WNT5A: variants seen among roughly 807,000 people sequenced by gnomAD.
WNT5A encodes the protein Wnt family member 5A, also known as protein Wnt-5a.
In WNT5A, 9 loss-of-function variants were observed where a neutral mutation model predicts 42.1. The ratio of observed to expected loss-of-function variants is 0.21; its 90% CI spans 0.13 to 0.37. The LOEUF (loss-of-function observed/expected upper bound fraction) is 0.37, where lower values mean the gene tolerates loss of function less well. Ranked by LOEUF, WNT5A falls within the 10% of genes least tolerant of loss-of-function variation. WNT5A has a pLI of 1.00. For missense variants in WNT5A, 426 were observed against 534.0 expected, an observed-to-expected ratio of 0.80 and a Z score of 1.99; for synonymous variants, 210 against 210.0, an observed-to-expected ratio of 1.00 and a Z score of 0.00.
Position 55,470,117 on chromosome 3 carries a change from A to G in WNT5A, c.1118T>C (p.Ile373Thr). 6.2e-7 allele frequency: 1 copy of G among 1,614,114 alleles called. No homozygotes were observed. The highest frequency in any genetic ancestry group is 8.5e-7 in the Non-Finnish European group (1 of 1,179,956). ...CYVKCKKCTE[I>T]VDQFVCK Reference sequence around the variant, plus strand: ...CTACTTGCACACAAACTGGTCCACGATCTCCGTGCACTTCTTGCACTTGAC... The same window carrying G: ...CTACTTGCACACAAACTGGTCCACGGTCTCCGTGCACTTCTTGCACTTGAC... The change falls in exon 5 of 5, where the codon ATC becomes ACC. Residue 373 changes from isoleucine to threonine, a missense_variant. Ile to Thr is a moderately conservative substitution (Grantham distance 89). This residue lies in a region of WNT5A where 358 missense variants were observed against 468.1 expected (regional missense o/e 0.76). Coordinates refer to ENST00000264634, the MANE Select transcript of WNT5A (RefSeq NM_003392.7).
intron 1 of WNT5A, among the ~76,000 whole-genome samples, chr3:55,482,316 C>T (rs1272524030): frequency 6.6e-6 from 1 of 152,156 alleles, no homozygotes; most frequent in African/African-American, 2.4e-5. Flanking sequence ...TAGGCGGCGG[C>T]GGAGCGAGTA....
intron 4 of WNT5A, among the ~76,000 whole-genome samples, chr3:55,472,996 C>T (rs183879239): frequency 1.4e-4 from 21 of 151,854 alleles, no homozygotes; most frequent in Non-Finnish European, 2.9e-4. Context: ...TTGCCATGGC[C>T]ATTTAACAGA....
In WNT5A at chr3:55,483,013, G is replaced by A. The variant is rs2051499163; in HGVS notation, c.7-2095C>T. Among the ~76,000 whole-genome samples, 2 of 152,224 alleles carry A rather than the reference G, an allele frequency of 1.3e-5. No individual in the cohort carries two copies. Among genetic ancestry groups the A allele is most frequent in the Non-Finnish European group, 2.9e-5 (2 of 68,042 alleles). ...TGGCCGCGTGCACTTTCCAAGCTTC[G>A]CGGCGAGCGGGGCGCGTGGGGCGGG... On this transcript the variant is annotated intron_variant, in intron 1 of 4. Coordinates refer to ENST00000264634, the MANE Select transcript of WNT5A (RefSeq NM_003392.7). The surrounding 1 kb of genome is among the most constrained non-coding windows in gnomAD (Gnocchi z 4.2).
Position 55,479,465 on chromosome 3 carries a change from C to A in WNT5A, c.240G>T (p.Lys80Asn), listed in dbSNP as rs373494821. Residue 80 changes from lysine (K) to asparagine (N), a missense_variant, in exon 3 of 5, where the codon AAG becomes AAT. Around this residue, in one of 3 missense-constraint regions of WNT5A, gnomAD observed 358 missense variants for 468.1 expected, o/e 0.76. Transcript: ENST00000264634. ...SQLAGLSQGQKKLCHLYQDHM... is the reference protein window; with the variant it reads ...SQLAGLSQGQNKLCHLYQDHM... ...GGTCCTGATACAAGTGGCACAGTTT[C>A]TTCTGTCCTTGAGAAAGTCCTGCCA... The A allele has an allele frequency of 6.2e-7, 1 of 1,613,898 alleles. No homozygotes were observed. Among genetic ancestry groups the A allele is most frequent in the South Asian group, 1.1e-5 (1 of 91,092 alleles).
Position 55,487,031 on chromosome 3 carries a change from C to A in WNT5A, c.-46G>T, listed in dbSNP as rs756066753. The A allele has an allele frequency of 6.2e-7, 1 of 1,602,826 alleles. No homozygotes were observed. Among genetic ancestry groups the A allele is most frequent in the Non-Finnish European group, 8.5e-7 (1 of 1,174,076 alleles). ...GGGAGGAAGTCGCCACCCGAGCGAGCGCAGCCGAGGAATCCGAGCGGAGCG... is the reference window on the plus strand; with the variant it reads ...GGGAGGAAGTCGCCACCCGAGCGAGAGCAGCCGAGGAATCCGAGCGGAGCG... On this transcript the variant is annotated 5_prime_UTR_variant, in exon 1 of 5. Coordinates refer to ENST00000264634, the MANE Select transcript of WNT5A (RefSeq NM_003392.7).
chr3:55,489,170 T>C (rs911490562), upstream of WNT5A: 6 of 152,262 alleles, frequency 3.9e-5, no homozygotes, highest in African/African-American at 1.4e-4. Flanking sequence ...GGTGGATTTG[T>C]GTCCGCTACC....
chr3:55,486,894 A>T (rs1456677211), intron 1 of WNT5A, 86 bp downstream of exon 1: 14 of 923,246 alleles, frequency 1.5e-5, no homozygotes, highest in Admixed American at 5.4e-5. Context: ...ATGGAGGGAT[A>T]GGAAGAGGCG....
In WNT5A at chr3:55,474,706, G is replaced by A. The variant is rs546862784; in HGVS notation, c.392-77C>T. On this transcript the variant is annotated intron_variant, in intron 3 of 4. Transcript: ENST00000264634. ...GGATGCTGCCGGGGGTGGGGGTGGG[G>A]GCAAGGTAGGGAATGGTGGGGAGGT... The A allele has an allele frequency of 1.0e-5, 12 of 1,198,034 alleles. No homozygotes were observed. In the East Asian group the frequency reaches 3.9e-4, roughly 39 times the overall value. 74.2% of individuals were successfully genotyped at this position (1,198,034 alleles called of 1,614,324 possible). A position where few individuals can be genotyped will look rare whatever the true frequency, so the allele number is the denominator to read the frequency against.
intron 1 of WNT5A, chr3:55,481,161 C>T: frequency 1.5e-6 from 1 of 676,104 alleles, no homozygotes; most frequent in Non-Finnish European, 2.0e-6. Flanking sequence ...CCAGCGATTA[C>T]AAACGTGTCT....
chr3:55,465,772 T>A lies in WNT5A; in HGVS notation c.*4320A>T, dbSNP rs370942976. 4.6e-5 allele frequency: 7 copies of A among 152,172 alleles called. No individual in the cohort carries two copies. The East Asian group carries it at 9.6e-4, about 21-fold the overall frequency. The allele number at this position is 152,172 out of a possible 1,614,324, so 9.4% of individuals were successfully genotyped here. ...ACAAGATATGAACAAAAATAAATAA[T>A]CTTTATCTCATTTCTAGCCCAGCAA... On this transcript the variant is annotated 3_prime_UTR_variant, in exon 5 of 5. Transcript: ENST00000264634.
chr3:55,504,496 A>G, the WNT5A span, among the ~76,000 whole-genome samples: 3 of 151,566 alleles, frequency 2.0e-5, no homozygotes, highest in Non-Finnish European at 4.4e-5. Flanking sequence ...TGAGAAAAAA[A>G]ATTGTTGCCC....
upstream of WNT5A, among the ~76,000 whole-genome samples, chr3:55,492,609 G>A (rs2051672244): frequency 6.6e-6 from 1 of 152,120 alleles, no homozygotes; most frequent in Non-Finnish European, 1.5e-5. Context: ...AGAGGAATGT[G>A]GCAATTATAG....
In WNT5A at chr3:55,479,210, G is replaced by A. The variant is rs574073061; in HGVS notation, c.391+104C>T. ...GCCCAAGCCACCACCCGAGCTGGAA[G>A]GCATCCTCCTTCATGCTTTCTATCA... On this transcript the variant is annotated intron_variant, in intron 3 of 4. Coordinates refer to ENST00000264634, the MANE Select transcript of WNT5A (RefSeq NM_003392.7). The A allele has an allele frequency of 8.7e-5, 113 of 1,300,758 alleles. 3 individuals are homozygous for A. The South Asian group carries it at 2.2e-3, about 26-fold the overall frequency. The allele number at this position is 1,300,758 out of a possible 1,614,324, so 80.6% of individuals were successfully genotyped here.
rs762742758 is a variant in WNT5A, at chr3:55,470,566, G to A, written c.685-16C>T. ...TGTACACCGTCTGCAGGGAAATGGG[G>A]GCAATCAATACACACATTCATGGAG... On this transcript the variant is annotated splice_polypyrimidine_tract_variant and intron_variant, in intron 4 of 4. Transcript: ENST00000264634. The A allele has an allele frequency of 3.3e-6, 5 of 1,501,228 alleles. No homozygotes were observed. Among genetic ancestry groups the A allele is most frequent in the Non-Finnish European group, 4.4e-6 (5 of 1,124,012 alleles). The allele number at this position is 1,501,228 out of a possible 1,614,324, so 93.0% of individuals were successfully genotyped here. A position where few individuals can be genotyped will look rare whatever the true frequency, so the allele number is the denominator to read the frequency against.
chr3:55,485,240 G>T (rs990445914), intron 1 of WNT5A, among the ~76,000 whole-genome samples: 2 of 143,460 alleles, frequency 1.4e-5, no homozygotes, highest in African/African-American at 2.5e-5. Flanking sequence ...AGGCTCGCAG[G>T]AGTCCTACCT....
intron 4 of WNT5A, among the ~76,000 whole-genome samples, chr3:55,471,373 A>G (rs926306872): frequency 7.9e-5 from 12 of 152,078 alleles, no homozygotes; most frequent in Non-Finnish European, 1.8e-4. Context: ...CTAGGCTAAG[A>G]GCACCCACCC....
chr3:55,470,155 G>A lies in WNT5A; in HGVS notation c.1080C>T (p.His360=), dbSNP rs755916316. Residue 360 remains histidine, a synonymous_variant, in exon 5 of 5, where the codon CAC becomes CAT. Transcript: ENST00000264634. ...VQTERCHCKF[H]WCCYVKCKKC... is the part of the protein sequence containing the mutation. ...TCTTGCACTTGACGTAGCAGCACCA[G>A]TGGAACTTGCAGTGGCAGCGCTCCG... 90 of 1,614,054 alleles carry A rather than the reference G, an allele frequency of 5.6e-5. No individual in the cohort carries two copies. The highest frequency in any genetic ancestry group is 7.5e-5 in the Non-Finnish European group (88 of 1,180,002).
At chr3:55,475,886 T>A (rs1037821290) in intron 3 of WNT5A, among the ~76,000 whole-genome samples, 3 of 152,016 alleles carry the variant, frequency 2.0e-5, no homozygotes, top group Non-Finnish European at 2.9e-5. Flanking sequence ...TACTGTAATC[T>A]GAGAGAGAAA....
rs1449551819 is a variant in WNT5A at position 55,467,874 on chromosome 3, T to C, written c.*2218A>G. ...AAATAAAAAAAGTACTTCATGGTTT[T>C]TGTATAATAAAAACCAAAAAAGTGA... On this transcript the variant is annotated 3_prime_UTR_variant, in exon 5 of 5. Coordinates refer to ENST00000264634, the MANE Select transcript of WNT5A (RefSeq NM_003392.7). 6.6e-6 allele frequency: 1 copy of C among 152,200 alleles called. No individual in the cohort carries two copies. The highest frequency in any genetic ancestry group is 1.5e-5 in the Non-Finnish European group (1 of 68,022). The allele number at this position is 152,200 out of a possible 1,614,324, so 9.4% of individuals were successfully genotyped here. A position where few individuals can be genotyped will look rare whatever the true frequency, so the allele number is the denominator to read the frequency against.
Sources: allele counts gnomAD v4.1 joint callset (sites outside exome capture counted in the v4.1 genomes callset), GRCh38; gene constraint gnomAD v4.1.1; regional missense constraint gnomAD v4.1.1; non-coding constraint Gnocchi (gnomAD v3.1); transcripts MANE v1.5; gene names NCBI Gene and HGNC (gene_info 2026-07-23, HGNC 2026-07-21).